IGSF5: variants seen among roughly 807,000 people sequenced by gnomAD.
The protein encoded by IGSF5 is immunoglobulin superfamily member 5, also known as immunoglobulin superfamily 5 like.
Under a neutral mutation model 39.4 loss-of-function variants are expected in IGSF5, and 41 were observed. That is an observed-to-expected ratio of 1.04 (90% confidence interval 0.81 to 1.35). IGSF5 has a LOEUF of 1.35. Among genes scored for constraint, IGSF5 ranks in the 40% most tolerant of loss-of-function variants. The pLI is 0.00. For missense variants in IGSF5, 487 were observed against 494.6 expected (o/e 0.98, Z 0.15); for synonymous variants, 183 against 175.3 (o/e 1.04, Z -0.34).
Position 39,793,603 on chromosome 21 carries a change from C to A in IGSF5, c.1118C>A (p.Pro373His). Residue 373 changes from proline (P) to histidine (H), a missense_variant, in exon 8 of 9, where the codon CCT becomes CAT. By Grantham distance (77) the Pro-to-His change is moderately conservative (BLOSUM62 -2). Coordinates refer to ENST00000380588, the MANE Select transcript of IGSF5 (RefSeq NM_001080444.2). The stretch of plus-strand genomic sequence containing the variant: ...GAACAAAGAAACAGTAGCTGTGGCC[C>A]TCCTCACCAGGTAGTTTAGACCATT... ...DPEQRNSSCGPPHQRADQRPP... is the reference protein window; with the variant it reads ...DPEQRNSSCGHPHQRADQRPP... 1 of 1,613,626 alleles carries A rather than the reference C, an allele frequency of 6.2e-7. No homozygotes were observed. The highest frequency in any genetic ancestry group is 2.2e-5 in the East Asian group (1 of 44,870).
chr21:39,745,507 G>C lies in IGSF5; in HGVS notation c.-3G>C, dbSNP rs2079969465. On this transcript the variant is annotated 5_prime_UTR_variant, in exon 1 of 9. Transcript: ENST00000380588. ...AGAAAGTCGTGTTCGGGACCCAGGA[G>C]GTATGGGTCAGAAGGAAAGGTAAGG... 1.4e-6 allele frequency: 1 copy of C among 716,722 alleles called. No homozygotes were observed. The highest frequency in any genetic ancestry group is 2.6e-6 in the Non-Finnish European group (1 of 384,764). 44.4% of individuals were successfully genotyped at this position (716,722 alleles called of 1,614,324 possible).
At chr21:39,735,790 A>G in the IGSF5 span, among the ~76,000 whole-genome samples, 1 of 152,134 alleles carries the variant, frequency 6.6e-6, no homozygotes, top group South Asian at 2.1e-4. Context: ...AAAATCGATG[A>G]CTTCTCCCCC....
Position 39,788,191 on chromosome 21 carries a change from A to G in IGSF5, c.956+3A>G. ...GGATTTCGTATTCAATTTCAAAAGTAAGTTTGAAACCACATCTATTTTCTG... is the reference window on the plus strand; with the variant it reads ...GGATTTCGTATTCAATTTCAAAAGTGAGTTTGAAACCACATCTATTTTCTG... On this transcript the variant is annotated splice_donor_region_variant and intron_variant, in intron 6 of 8. Transcript: ENST00000380588. The G allele has an allele frequency of 6.3e-7, 1 of 1,588,026 alleles. No homozygotes were observed. Among genetic ancestry groups the G allele is most frequent in the Non-Finnish European group, 8.6e-7 (1 of 1,159,824 alleles).
intron 2 of IGSF5, among the ~76,000 whole-genome samples, chr21:39,765,193 G>C (rs2080080125): frequency 6.6e-6 from 1 of 152,154 alleles, no homozygotes; most frequent in African/African-American, 2.4e-5. Flanking sequence ...CTAAACCCAG[G>C]TTGATTTCAT....
intron 8 of IGSF5, among the ~76,000 whole-genome samples, chr21:39,798,905 A>G (rs2087012837): frequency 6.6e-6 from 1 of 152,086 alleles, no homozygotes. Flanking sequence ...TCCTTTGAAA[A>G]TTTCAGAAAA....
chr21:39,784,524 A>G (rs747953005), intron 5 of IGSF5, among the ~76,000 whole-genome samples: 2 of 152,204 alleles, frequency 1.3e-5, no homozygotes, highest in Admixed American at 1.3e-4. Context: ...AAATAAGTAT[A>G]TTAAAAGTTT....
At chr21:39,788,226 CAA>C (rs757074435) in intron 6 of IGSF5, 38 bp downstream of exon 6, 2 of 1,464,914 alleles carry the variant, frequency 1.4e-6, no homozygotes, top group African/African-American at 1.4e-5. Context: ...GAAAACAAAA[CAA>C]AAAAAATTGA....
chr21:39,741,732 A>G (rs1163889909), upstream of IGSF5, among the ~76,000 whole-genome samples: 3 of 152,158 alleles, frequency 2.0e-5, no homozygotes, highest in African/African-American at 4.8e-5. Context: ...TGCAAACAAG[A>G]ATTGAGAGTC....
chr21:39,767,241 A>G (rs1376162498), intron 3 of IGSF5, among the ~76,000 whole-genome samples: 1 of 152,200 alleles, frequency 6.6e-6, no homozygotes, highest in East Asian at 1.9e-4. Context: ...AGATGGCTCA[A>G]TTTCTTCATC....
At chr21:39,777,911 G>GT (rs2080149058) in intron 4 of IGSF5, among the ~76,000 whole-genome samples, 1 of 152,154 alleles carries the variant, frequency 6.6e-6, no homozygotes, top group South Asian at 2.1e-4. Flanking sequence ...TTCCAAAGTG[G>GT]TGGATGGCCA....
chr21:39,713,395 T>A, the IGSF5 span, among the ~76,000 whole-genome samples: 1 of 152,200 alleles, frequency 6.6e-6, no homozygotes, highest in Non-Finnish European at 1.5e-5. Context: ...GTTGCCATGG[T>A]TAGGTAGCAG....
intron 2 of IGSF5, among the ~76,000 whole-genome samples, chr21:39,747,461 T>C (rs1043193038): frequency 5.3e-5 from 8 of 152,188 alleles, no homozygotes; most frequent in African/African-American, 1.9e-4. Flanking sequence ...TCCAGGAACC[T>C]GGAAGTGGAC....
At chr21:39,754,358 T>C (rs1345524268) in intron 2 of IGSF5, among the ~76,000 whole-genome samples, 3 of 152,234 alleles carry the variant, frequency 2.0e-5, no homozygotes, top group African/African-American at 7.2e-5. Context: ...GGAATCTGTA[T>C]GGCTATTTCC....
Position 39,793,571 on chromosome 21 carries a change from T to A in IGSF5, c.1086T>A (p.Ser362Arg). 2 of 1,614,138 alleles carry A rather than the reference T, an allele frequency of 1.2e-6. No homozygotes were observed. The highest frequency in any genetic ancestry group is 1.7e-6 in the Non-Finnish European group (2 of 1,179,960). Residue 362 changes from serine to arginine, a missense_variant, in exon 8 of 9, where the codon AGT (serine) becomes AGA (arginine). By Grantham distance (110) the Ser-to-Arg change is moderately radical. Transcript: ENST00000380588. ...ASLPPKSCES[S>R]DPEQRNSSCG... is the part of the protein sequence containing the mutation. ...TCCCTCCCAAATCCTGTGAATCCAG[T>A]GATCCTGAACAAAGAAACAGTAGCT...
At chr21:39,769,440 C>G (rs1335568878) in intron 3 of IGSF5, among the ~76,000 whole-genome samples, 1 of 141,510 alleles carries the variant, frequency 7.1e-6, no homozygotes, top group East Asian at 2.1e-4. Flanking sequence ...GCACTCCAGC[C>G]TGGGCAACAA....
the IGSF5 span, among the ~76,000 whole-genome samples, chr21:39,712,725 A>G: frequency 6.6e-6 from 1 of 152,062 alleles, no homozygotes; most frequent in Admixed American, 6.5e-5. Context: ...TGGCTGAGTC[A>G]TTCTCCCTCC....
At chr21:39,742,631 C>A (rs139396313), upstream of IGSF5, among the ~76,000 whole-genome samples, 58 of 152,282 alleles carry the variant, frequency 3.8e-4, 1 homozygote, top group Middle Eastern at 6.8e-3. Flanking sequence ...GACAAGAGGG[C>A]GGCTTACTTC....
chr21:39,738,406 G>C, the IGSF5 span, among the ~76,000 whole-genome samples: 2 of 152,126 alleles, frequency 1.3e-5, no homozygotes, highest in Non-Finnish European at 2.9e-5. The surrounding 1 kb of genome is among the most constrained non-coding windows in gnomAD (Gnocchi z 6.4). Context: ...CAATACGCAG[G>C]AATTAACGGA....
chr21:39,736,490 G>A, the IGSF5 span, among the ~76,000 whole-genome samples: 3 of 152,236 alleles, frequency 2.0e-5, no homozygotes, highest in East Asian at 5.8e-4. Context: ...TCCCAGGACT[G>A]TACATTTTTA....
Sources: allele counts gnomAD v4.1 joint callset (sites outside exome capture counted in the v4.1 genomes callset), GRCh38; gene constraint gnomAD v4.1.1; non-coding constraint Gnocchi (gnomAD v3.1); transcripts MANE v1.5; gene names NCBI Gene and HGNC (gene_info 2026-07-23, HGNC 2026-07-21).